The following NUP37 variants were observed in gnomAD, a reference collection of about 807,000 sequenced individuals.
NUP37 encodes the protein nucleoporin 37, also known as nucleoporin Nup37.
NUP37 carries 33 observed loss-of-function variants against 45.4 expected under a neutral mutation model. The observed-to-expected ratio is 0.73, with a 90% CI of 0.55 to 0.97. The LOEUF (loss-of-function observed/expected upper bound fraction) is 0.97, where lower values mean the gene tolerates loss of function less well. Ranked by LOEUF, NUP37 falls within the 50% of genes least tolerant of loss-of-function variation. NUP37 has a pLI of 0.00. For missense variants in NUP37, 365 were observed against 389.7 expected, an observed-to-expected ratio of 0.94 and a Z score of 0.53; for synonymous variants, 127 against 130.7, an observed-to-expected ratio of 0.97 and a Z score of 0.19.
chr12:102,079,878 G>C (rs11111151), intron 6 of NUP37, among the ~76,000 whole-genome samples: 27 of 152,328 alleles, frequency 1.8e-4, no homozygotes, highest in African/African-American at 6.3e-4. Context: ...AGGTGAGCAA[G>C]TGCACATAAG....
chr12:102,101,544 T>C (rs1879971824), intron 3 of NUP37, among the ~76,000 whole-genome samples: 1 of 152,146 alleles, frequency 6.6e-6, no homozygotes, highest in African/African-American at 2.4e-5. Context: ...TAATCCTTAG[T>C]TTTTTCTATT....
intron 2 of NUP37, among the ~76,000 whole-genome samples, chr12:102,117,986 T>A (rs1172977891): frequency 2.6e-5 from 4 of 152,212 alleles, no homozygotes; most frequent in African/African-American, 4.8e-5. Flanking sequence ...GGAAGATTGT[T>A]TTTTGGGCTC....
At chr12:102,118,146 C>T (rs1880516759) in intron 2 of NUP37, among the ~76,000 whole-genome samples, 1 of 152,006 alleles carries the variant, frequency 6.6e-6, no homozygotes, top group Admixed American at 6.6e-5. Context: ...GATCATGAGG[C>T]AAAAGTGAAG....
chr12:102,077,684 TACC>T (rs1879213717), intron 6 of NUP37, among the ~76,000 whole-genome samples, 181 bp from the exon 7 acceptor site: 1 of 152,208 alleles, frequency 6.6e-6, no homozygotes, highest in African/African-American at 2.4e-5. Flanking sequence ...GCTAACATGA[TACC>T]ACAAGTGAAA....
chr12:102,099,396 T>C (rs756376364), intron 4 of NUP37, among the ~76,000 whole-genome samples, 196 bp from the exon 5 acceptor site: 1 of 152,142 alleles, frequency 6.6e-6, no homozygotes, highest in Non-Finnish European at 1.5e-5. Context: ...GGGAAAAAAA[T>C]TGATCATTCA....
At chr12:102,089,255 C>A (rs980171422) in intron 5 of NUP37, among the ~76,000 whole-genome samples, 16 of 152,206 alleles carry the variant, frequency 1.1e-4, no homozygotes, top group Non-Finnish European at 7.3e-5. Context: ...TGCAGAAAGG[C>A]TGTCACTTCA....
intron 8 of NUP37, among the ~76,000 whole-genome samples, chr12:102,075,525 C>A (rs1197459909): frequency 6.6e-6 from 1 of 151,952 alleles, no homozygotes; most frequent in East Asian, 1.9e-4. Flanking sequence ...TTTTAATAAT[C>A]CTAAATTTGT....
intron 4 of NUP37, among the ~76,000 whole-genome samples, chr12:102,099,591 A>G (rs1879915437): frequency 6.6e-6 from 1 of 152,230 alleles, no homozygotes; most frequent in Non-Finnish European, 1.5e-5. Flanking sequence ...TAGGCTTTTT[A>G]CATTATATCT....
chr12:102,086,462 C>A (rs1039830476), intron 5 of NUP37, among the ~76,000 whole-genome samples: 1 of 152,146 alleles, frequency 6.6e-6, no homozygotes, highest in Non-Finnish European at 1.5e-5. Context: ...CCAAGCTGGC[C>A]ATGGTTGACG....
rs541323241 is a variant in NUP37 at position 102,092,459 on chromosome 12, G to A, written c.450-6603C>T. 1.1e-4 allele frequency among the ~76,000 whole-genome samples: 16 copies of A among 152,292 alleles called. 1 individual carries two copies. In the South Asian group the frequency reaches 3.3e-3, roughly 32 times the overall value. ...AGGAAAGGGACCCTCAACATTCTTAGACAAGAAACATATTTTCCACTGAGC... is the reference window on the plus strand; with the variant it reads ...AGGAAAGGGACCCTCAACATTCTTAAACAAGAAACATATTTTCCACTGAGC... On this transcript the variant is annotated intron_variant, in intron 5 of 9. Coordinates refer to ENST00000552283, the MANE Select transcript of NUP37 (RefSeq NM_024057.4).
chr12:102,099,120 G>A lies in NUP37; in HGVS notation c.435C>T (p.Asp145=), dbSNP rs767035951. 6.2e-6 allele frequency: 10 copies of A among 1,610,544 alleles called. No homozygotes were observed. Among genetic ancestry groups the A allele is most frequent in the Admixed American group, 5.0e-5 (3 of 59,978 alleles). ...AAGCAACATACCTGCAGGTGTGATC[G>A]TCACTCACACTTGCAATTTCTTGGC... ...KEGQEIASVS[D]DHTCRIWNLE... The change falls in exon 5 of 10, where the codon GAC becomes GAT. Residue 145 remains aspartate, a synonymous_variant. Coordinates refer to ENST00000552283, the MANE Select transcript of NUP37 (RefSeq NM_024057.4).
intron 5 of NUP37, among the ~76,000 whole-genome samples, chr12:102,094,751 T>A (rs1002607374): frequency 2.6e-5 from 4 of 152,112 alleles, no homozygotes; most frequent in Non-Finnish European, 4.4e-5. Flanking sequence ...TCTTTATTTT[T>A]TATATGCCAC....
intron 5 of NUP37, among the ~76,000 whole-genome samples, chr12:102,089,102 TACTTCTTTCTAC>T (rs1879563907): frequency 6.6e-6 from 1 of 152,098 alleles, no homozygotes; most frequent in Non-Finnish European, 1.5e-5. Flanking sequence ...CTCCTATGTC[TACTTCTTTCTAC>T]ACAGACACAG....
chr12:102,085,707 GTCTT>G, intron 6 of NUP37, 55 bp downstream of exon 6: 3 of 778,742 alleles, frequency 3.9e-6, no homozygotes, highest in Admixed American at 2.8e-5. Flanking sequence ...TGTATGTGAT[GTCTT>G]ATATCTCTAT....
Position 102,074,169 on chromosome 12 carries a change from C to G in NUP37, c.*185G>C. The G allele has an allele frequency of 2.5e-6, 1 of 398,864 alleles. No individual in the cohort carries two copies. The highest frequency in any genetic ancestry group is 4.2e-5 in the East Asian group (1 of 24,012). 24.7% of individuals were successfully genotyped at this position (398,864 alleles called of 1,614,324 possible). On this transcript the variant is annotated 3_prime_UTR_variant, in exon 10 of 10. Transcript: ENST00000552283. ...TTAAAAATATATATATATACACACACAGAGAACAGAGTAGAAAAATAATTT... is the reference window on the plus strand; with the variant it reads ...TTAAAAATATATATATATACACACAGAGAGAACAGAGTAGAAAAATAATTT...
intron 9 of NUP37, chr12:102,074,697 A>G (rs1362690283): frequency 2.2e-6 from 1 of 459,632 alleles, no homozygotes; most frequent in African/African-American, 2.0e-5. Flanking sequence ...TTTGCAGTCT[A>G]CACCAACCAA....
chr12:102,109,360 T>G (rs1463908248), intron 3 of NUP37, among the ~76,000 whole-genome samples: 1 of 152,172 alleles, frequency 6.6e-6, no homozygotes, highest in African/African-American at 2.4e-5. Flanking sequence ...AGTTATACCT[T>G]AGTCATGGTG....
At chr12:102,088,477 C>T (rs760928535) in intron 5 of NUP37, among the ~76,000 whole-genome samples, 3 of 152,108 alleles carry the variant, frequency 2.0e-5, no homozygotes, top group South Asian at 2.1e-4. Context: ...AGTTGTCTTG[C>T]GCTCCCTTCT....
intron 5 of NUP37, 30 bp downstream of exon 5, chr12:102,099,076 A>C (rs79292208): frequency 0.026 from 36,307 of 1,395,344 alleles, 639 homozygotes; most frequent in African/African-American, 0.068. Context: ...ATGGCAATTT[A>C]AAAATGTGGT....
Sources: allele counts gnomAD v4.1 joint callset (sites outside exome capture counted in the v4.1 genomes callset), GRCh38; gene constraint gnomAD v4.1.1; transcripts MANE v1.5; gene names NCBI Gene and HGNC (gene_info 2026-07-23, HGNC 2026-07-21).